Variants in PTPRO observed in about 807,000 individuals in gnomAD.
PTPRO encodes the protein receptor-type tyrosine-protein phosphatase O.
In PTPRO, 62 loss-of-function variants were observed where a neutral mutation model predicts 145.2. The ratio of observed to expected loss-of-function variants is 0.43; its 90% CI spans 0.35 to 0.53. The LOEUF is 0.53. PTPRO is among the 20% of genes least tolerant of loss of function. The pLI, the probability that PTPRO is intolerant of heterozygous loss-of-function variation, is 0.01. For missense variants in PTPRO, 1,345 were observed against 1,482.7 expected (o/e 0.91, Z 1.53); for synonymous variants, 565 against 514.7 (o/e 1.10, Z -1.32).
chr12:15,407,994 A>G (rs906861693), intron 1 of PTPRO, among the ~76,000 whole-genome samples: 4 of 152,202 alleles, frequency 2.6e-5, no homozygotes, highest in African/African-American at 9.6e-5. Context: ...TTAAAATCCT[A>G]GACTCTAGCC....
intron 1 of PTPRO, among the ~76,000 whole-genome samples, chr12:15,468,959 T>C (rs1205615756): frequency 6.6e-6 from 1 of 152,214 alleles, no homozygotes; most frequent in African/African-American, 2.4e-5. Flanking sequence ...TTGTTGCTGA[T>C]ATTAACAACC....
Position 15,340,398 on chromosome 12 carries a change from G to C in PTPRO, c.75+17597G>C, listed in dbSNP as rs116730188. On this transcript the variant is annotated intron_variant, in intron 1 of 26. Coordinates refer to ENST00000281171, the MANE Select transcript of PTPRO (RefSeq NM_030667.3). ...ACTGAATCAGTCCTTGGTTGGGACT[G>C]CCTTTTGGACAGAAATGGGGTAGGG... 3.5e-3 allele frequency among the ~76,000 whole-genome samples: 535 copies of C among 152,236 alleles called. 4 individuals are homozygous for C. The highest frequency in any genetic ancestry group is 0.013 in the African/African-American group (525 of 41,532).
chr12:15,516,378 C>A lies in PTPRO; in HGVS notation c.1586-385C>A, dbSNP rs12309904. Among the ~76,000 whole-genome samples, 75 of 111,394 alleles carry A rather than the reference C, an allele frequency of 6.7e-4. 1 individual carries two copies. The highest frequency in any genetic ancestry group is 4.7e-3 in the Middle Eastern group (1 of 214). The allele number at this position is 111,394 out of a possible 152,430, so 73.1% of individuals were successfully genotyped here. Reference sequence around the variant, plus strand: ...AAGAAAGAAAAGAAGAAAGAAAGAACGAACGAAAGAGAGAGAGAGAGAAAG... The same window carrying A: ...AAGAAAGAAAAGAAGAAAGAAAGAAAGAACGAAAGAGAGAGAGAGAGAAAG... On this transcript the variant is annotated intron_variant, in intron 8 of 26. Transcript: ENST00000281171.
chr12:15,533,280 AC>A (rs907698754), intron 12 of PTPRO, among the ~76,000 whole-genome samples: 26 of 152,088 alleles, frequency 1.7e-4, no homozygotes, highest in African/African-American at 5.8e-4. Context: ...AGGATCAATA[AC>A]CTTTTTCTTA....
intron 1 of PTPRO, among the ~76,000 whole-genome samples, chr12:15,375,443 C>G (rs1358258064): frequency 6.6e-6 from 1 of 151,984 alleles, no homozygotes; most frequent in East Asian, 1.9e-4. Flanking sequence ...ATAATTCACC[C>G]AATAAAGATT....
chr12:15,520,605 G>A (rs1314970428), intron 10 of PTPRO, among the ~76,000 whole-genome samples: 1 of 152,136 alleles, frequency 6.6e-6, no homozygotes, highest in African/African-American at 2.4e-5. Context: ...AATATGGCAG[G>A]CACAGCCATC....
At chr12:15,440,797 T>C (rs1271567984) in intron 1 of PTPRO, among the ~76,000 whole-genome samples, 3 of 152,076 alleles carry the variant, frequency 2.0e-5, no homozygotes, top group Non-Finnish European at 4.4e-5. Flanking sequence ...CATTACGTAA[T>C]GATAAAGGGT....
At chr12:15,458,510 G>C (rs964217011) in intron 1 of PTPRO, among the ~76,000 whole-genome samples, 4 of 151,620 alleles carry the variant, frequency 2.6e-5, no homozygotes, top group African/African-American at 9.7e-5. Flanking sequence ...AGTCCCTTAA[G>C]TGAGCTTTTA....
intron 1 of PTPRO, among the ~76,000 whole-genome samples, chr12:15,338,673 T>A (rs905615543): frequency 6.6e-6 from 1 of 152,098 alleles, no homozygotes; most frequent in African/African-American, 2.4e-5. Context: ...GGCAAAATAT[T>A]AATTGATAAA....
At chr12:15,517,479 A>T (rs1349885876) in intron 9 of PTPRO, among the ~76,000 whole-genome samples, 1 of 152,118 alleles carries the variant, frequency 6.6e-6, no homozygotes, top group Non-Finnish European at 1.5e-5. Context: ...AAAACCAATC[A>T]TGCCTTCCCA....
chr12:15,438,223 G>T lies in PTPRO; in HGVS notation c.76-45751G>T, dbSNP rs569593968. ...GATAAAGGAAAAGTCCTACCTGTAT[G>T]AAAAAAAATACAAAAATTAGAAGTG... is the stretch of plus-strand genomic sequence containing the variant. On this transcript the variant is annotated intron_variant, in intron 1 of 26. Coordinates refer to ENST00000281171, the MANE Select transcript of PTPRO (RefSeq NM_030667.3). Among the ~76,000 whole-genome samples, 12 of 151,842 alleles carry T rather than the reference G, an allele frequency of 7.9e-5. 1 individual carries two copies. Among genetic ancestry groups the T allele is most frequent in the Middle Eastern group, 3.4e-3 (1 of 292 alleles).
intron 13 of PTPRO, among the ~76,000 whole-genome samples, chr12:15,547,153 T>C (rs1226840975): frequency 6.6e-6 from 1 of 152,206 alleles, no homozygotes; most frequent in Non-Finnish European, 1.5e-5. Context: ...AAAATATAAG[T>C]ACCACAAGAC....
chr12:15,543,008 A>G (rs982978393), intron 12 of PTPRO, among the ~76,000 whole-genome samples: 5 of 152,232 alleles, frequency 3.3e-5, no homozygotes, highest in African/African-American at 9.6e-5. Flanking sequence ...AAATCTTGTA[A>G]TAGTAATAAG....
rs1866339907 is a variant in PTPRO at position 15,322,866 on chromosome 12, G to A, written c.75+65G>A. 11 of 1,538,438 alleles carry A rather than the reference G, an allele frequency of 7.2e-6. No individual in the cohort carries two copies. The African/African-American group carries it at 1.1e-4, about 15-fold the overall frequency. On this transcript the variant is annotated intron_variant, in intron 1 of 26. Coordinates refer to ENST00000281171, the MANE Select transcript of PTPRO (RefSeq NM_030667.3). This position sits in a 1 kb window ranked among gnomAD's most constrained non-coding sequence, Gnocchi z 6.3. ...GCGGCAGCCGCGCTCCGGCGCCCTC[G>A]CTCTGCCGTTGGGAGCGGCGCGCCC...
At chr12:15,492,548 A>T (rs1470689072) in intron 2 of PTPRO, among the ~76,000 whole-genome samples, 2 of 152,130 alleles carry the variant, frequency 1.3e-5, no homozygotes, top group Non-Finnish European at 2.9e-5. Context: ...TCTCAAAAAA[A>T]ATTTGCAGAA....
intron 1 of PTPRO, among the ~76,000 whole-genome samples, chr12:15,359,909 C>T (rs1184962946): frequency 6.6e-6 from 1 of 152,194 alleles, no homozygotes; most frequent in Non-Finnish European, 1.5e-5. Flanking sequence ...TTTGTTCCAA[C>T]AACAGGGACC....
intron 15 of PTPRO, among the ~76,000 whole-genome samples, chr12:15,553,512 C>A (rs1022923782): frequency 4.6e-5 from 7 of 152,102 alleles, no homozygotes; most frequent in African/African-American, 1.7e-4. Flanking sequence ...GGGGTAGGAG[C>A]ACGACTGGGA....
intron 6 of PTPRO, among the ~76,000 whole-genome samples, chr12:15,505,474 A>G (rs1942302774): frequency 6.6e-6 from 1 of 152,220 alleles, no homozygotes; most frequent in African/African-American, 2.4e-5. Flanking sequence ...CATTGAGAAT[A>G]TGTCGGAATT....
chr12:15,361,476 CAAAG>C (rs1440441207), intron 1 of PTPRO, among the ~76,000 whole-genome samples: 1 of 139,552 alleles, frequency 7.2e-6, no homozygotes, highest in Non-Finnish European at 1.6e-5. Context: ...AAAGAAAAAA[CAAAG>C]AAATTCAGAA....
Sources: allele counts gnomAD v4.1 joint callset (sites outside exome capture counted in the v4.1 genomes callset), GRCh38; gene constraint gnomAD v4.1.1; non-coding constraint Gnocchi (gnomAD v3.1); transcripts MANE v1.5; gene names NCBI Gene and HGNC (gene_info 2026-07-23, HGNC 2026-07-21).